Variants in AKT3 observed in about 807,000 individuals in gnomAD.
The protein encoded by AKT3 is AKT serine/threonine kinase 3.
A neutral mutation model predicts 65.3 loss-of-function variants in AKT3; 15 were observed. The observed-to-expected ratio is 0.23, with a 90% confidence interval of 0.15 to 0.35. The LOEUF is 0.35. AKT3 is among the 10% of genes least tolerant of loss of function. The probability of loss-of-function intolerance (pLI) is 1.00; values close to 1 mark genes in which losing one functional copy is unlikely to be tolerated. For synonymous variants in AKT3, 206 were observed against 183.8 expected, an observed-to-expected ratio of 1.12 and a Z score of -0.98; for missense variants, 243 against 576.5, an observed-to-expected ratio of 0.42 and a Z score of 5.92.
At position 243,597,677 on chromosome 1, in the gene AKT3, AT is replaced by A. The variant is rs1364924096; in HGVS notation, c.696+15993del. ...TACCACACCTGGCTAATTTTTAACT[AT>A]TTTGGTAGATACAGGGTCTCCCTAT... On this transcript the variant is annotated intron_variant, in intron 8 of 13. Transcript: ENST00000673466. Among the ~76,000 whole-genome samples, 13 of 152,122 alleles carry A rather than the reference AT, an allele frequency of 8.5e-5. No individual in the cohort carries two copies. In the East Asian group the frequency reaches 2.5e-3, roughly 30 times the overall value.
chr1:243,570,994 G>A (rs12744297), intron 9 of AKT3, among the ~76,000 whole-genome samples: 77,351 of 151,988 alleles, frequency 0.51, 23,692 homozygotes, highest in Non-Finnish European at 0.68. Flanking sequence ...AGAAAGAATG[G>A]GGCAGTGGAA....
At chr1:243,525,768 T>TAAGAAAGAAAGAAAGA (rs755272323) in intron 12 of AKT3, among the ~76,000 whole-genome samples, 107 of 4,144 alleles carry the variant, frequency 0.026, 39 homozygotes, top group Middle Eastern at 0.12. Flanking sequence ...CTTCCAAAAG[T>TAAGAAAGAAAGAAAGA]AAGAAAGAAA....
intron 12 of AKT3, among the ~76,000 whole-genome samples, chr1:243,517,650 A>C (rs1264827648): frequency 6.6e-6 from 1 of 152,218 alleles, no homozygotes; most frequent in African/African-American, 2.4e-5. Context: ...AGCATAGTAT[A>C]TAATTTTCTG....
chr1:243,787,314 A>AT (rs1207439427), intron 2 of AKT3, among the ~76,000 whole-genome samples: 3 of 152,116 alleles, frequency 2.0e-5, no homozygotes, highest in African/African-American at 2.4e-5. Context: ...ACCCATGCAC[A>AT]TTTTTTTAAA....
intron 12 of AKT3, among the ~76,000 whole-genome samples, chr1:243,524,723 A>G (rs1670935585): frequency 1.3e-5 from 2 of 152,338 alleles, no homozygotes; most frequent in African/African-American, 4.8e-5. Context: ...TGCATAATTA[A>G]GAACAAATAC....
chr1:243,661,346 GTA>G (rs1171691462), intron 4 of AKT3, among the ~76,000 whole-genome samples: 1 of 152,180 alleles, frequency 6.6e-6, no homozygotes, highest in Non-Finnish European at 1.5e-5. Flanking sequence ...CATGGTACTG[GTA>G]CCAAAACAGA....
intron 8 of AKT3, among the ~76,000 whole-genome samples, chr1:243,578,294 T>C (rs1675092370): frequency 6.6e-6 from 1 of 152,096 alleles, no homozygotes; most frequent in African/African-American, 2.4e-5. Flanking sequence ...CAAGTGCCCA[T>C]CAATGATAGA....
At chr1:243,777,792 C>T (rs1572333347) in intron 2 of AKT3, among the ~76,000 whole-genome samples, 1 of 152,128 alleles carries the variant, frequency 6.6e-6, no homozygotes, top group African/African-American at 2.4e-5. Context: ...CCTGAAAGTA[C>T]AGATACTGAT....
chr1:243,795,471 T>G lies in AKT3; in HGVS notation c.46+47654A>C, dbSNP rs1558817952. Among the ~76,000 whole-genome samples, 69 of 102,402 alleles carry G rather than the reference T, an allele frequency of 6.7e-4. 2 individuals are homozygous for G. The highest frequency in any genetic ancestry group is 1.9e-3 in the African/African-American group (62 of 33,420). The allele number at this position is 102,402 out of a possible 152,430, so 67.2% of individuals were successfully genotyped here. ...CTTGTTTTTTTTTTTTGTTTTTTTTTTTTGGTTTTTTTTTTTTTGAGACGG... is the reference window on the plus strand; with the variant it reads ...CTTGTTTTTTTTTTTTGTTTTTTTTGTTTGGTTTTTTTTTTTTTGAGACGG... On this transcript the variant is annotated intron_variant, in intron 2 of 13. Coordinates refer to ENST00000673466, the MANE Select transcript of AKT3 (RefSeq NM_005465.7).
At chr1:243,584,194 T>C (rs1675626900) in intron 8 of AKT3, among the ~76,000 whole-genome samples, 1 of 151,890 alleles carries the variant, frequency 6.6e-6, no homozygotes, top group African/African-American at 2.4e-5. Flanking sequence ...TGTCTATACA[T>C]ACAAACAAGA....
chr1:243,615,200 G>A (rs748258094), intron 6 of AKT3, 39 bp from the exon 7 acceptor site: 8 of 1,414,164 alleles, frequency 5.7e-6, no homozygotes, highest in Non-Finnish European at 6.9e-6. Flanking sequence ...TATATGTTTT[G>A]AGCACTGATA....
At chr1:243,707,617 A>T (rs1685884754) in intron 2 of AKT3, among the ~76,000 whole-genome samples, 1 of 152,138 alleles carries the variant, frequency 6.6e-6, no homozygotes, top group Admixed American at 6.5e-5. Context: ...GGTTTTTTTA[A>T]TTTTAGATTC....
intron 2 of AKT3, among the ~76,000 whole-genome samples, chr1:243,745,213 C>T (rs1453271688): frequency 2.0e-5 from 3 of 151,826 alleles, no homozygotes; most frequent in Non-Finnish European, 2.9e-5. Flanking sequence ...TGGTGTGCAC[C>T]TGTACAGTCC....
At chr1:243,845,226 A>G (rs1332904674) in intron 1 of AKT3, among the ~76,000 whole-genome samples, 1 of 151,664 alleles carries the variant, frequency 6.6e-6, no homozygotes, top group Non-Finnish European at 1.5e-5. Context: ...ATGTAGCTGA[A>G]TGCAAGACCA....
At chr1:243,579,899 T>C (rs1312948337) in intron 8 of AKT3, among the ~76,000 whole-genome samples, 1 of 152,166 alleles carries the variant, frequency 6.6e-6, no homozygotes, top group East Asian at 1.9e-4. Context: ...AATTTAATTT[T>C]CACCTCATAA....
At position 243,765,676 on chromosome 1, in the gene AKT3, C is replaced by T. The variant is rs116167839; in HGVS notation, c.47-69960G>A. Among the ~76,000 whole-genome samples, 1,330 of 152,220 alleles carry T rather than the reference C, an allele frequency of 8.7e-3. 15 individuals carry two copies. Among genetic ancestry groups the T allele is most frequent in the African/African-American group, 0.03 (1,259 of 41,536 alleles). On this transcript the variant is annotated intron_variant, in intron 2 of 13. Transcript: ENST00000673466. ...GTTTGAACTGGCTTCAGTAAAGTCA[C>T]AGAAAACATTACTAAATTCTCCTTT...
intron 2 of AKT3, among the ~76,000 whole-genome samples, chr1:243,790,210 T>A (rs138430838): frequency 6.6e-6 from 1 of 152,302 alleles, no homozygotes; most frequent in Non-Finnish European, 1.5e-5. Flanking sequence ...CTGGATAACA[T>A]CTTCTTCACC....
intron 2 of AKT3, among the ~76,000 whole-genome samples, chr1:243,774,745 T>C (rs1242072579): frequency 6.6e-6 from 1 of 152,202 alleles, no homozygotes; most frequent in Non-Finnish European, 1.5e-5. Context: ...ACAGATGGCA[T>C]GATAGCTCTG....
chr1:243,797,830 T>C (rs1012719368), intron 2 of AKT3, among the ~76,000 whole-genome samples: 1 of 150,902 alleles, frequency 6.6e-6, no homozygotes, highest in Non-Finnish European at 1.5e-5. Flanking sequence ...ACTAAACTTC[T>C]TTATGAAGTA....
Sources: allele counts gnomAD v4.1 joint callset (sites outside exome capture counted in the v4.1 genomes callset), GRCh38; gene constraint gnomAD v4.1.1; transcripts MANE v1.5; gene names NCBI Gene and HGNC (gene_info 2026-07-23, HGNC 2026-07-21).